Variants in SESTD1 observed in about 807,000 individuals in gnomAD.
SESTD1 encodes the protein SEC14 domain and spectrin repeat-containing protein 1.
Under a neutral mutation model 101.7 loss-of-function variants are expected in SESTD1, and 43 were observed. That is an observed-to-expected ratio of 0.42 (90% CI 0.33 to 0.55). The LOEUF is 0.55. Ranked by LOEUF, SESTD1 falls within the 20% of genes least tolerant of loss-of-function variation. SESTD1 has a pLI of 0.07. For missense variants in SESTD1, 647 were observed against 815.1 expected, an observed-to-expected ratio of 0.79 and a Z score of 2.51; for synonymous variants, 283 against 286.8, an observed-to-expected ratio of 0.99 and a Z score of 0.13.
At chr2:179,216,590 C>A (rs1295663374) in intron 1 of SESTD1, among the ~76,000 whole-genome samples, 2 of 135,326 alleles carry the variant, frequency 1.5e-5, no homozygotes, top group African/African-American at 2.9e-5. Context: ...CCATCCCCAT[C>A]AAGCTACCAA....
chr2:179,126,180 CTT>C (rs1376779869), intron 10 of SESTD1, among the ~76,000 whole-genome samples: 1 of 152,152 alleles, frequency 6.6e-6, no homozygotes, highest in East Asian at 1.9e-4. Context: ...TGTATTTACT[CTT>C]TTCTCATTTT....
At position 179,210,723 on chromosome 2, in the gene SESTD1, C is replaced by T. The variant is rs549288591; in HGVS notation, c.-25-18857G>A. ...CCTTCTATGATAAACCCACAGCCAA[C>T]ATTATACTGAACAGGGAAAACTTGA... is the stretch of plus-strand genomic sequence containing the variant. On this transcript the variant is annotated intron_variant, in intron 1 of 17. Coordinates refer to ENST00000428443, the MANE Select transcript of SESTD1 (RefSeq NM_178123.5). Among the ~76,000 whole-genome samples, 373 of 134,746 alleles carry T rather than the reference C, an allele frequency of 2.8e-3. 64 individuals carry two copies. Among genetic ancestry groups the T allele is most frequent in the Admixed American group, 4.8e-3 (67 of 13,866 alleles). 88.4% of individuals were successfully genotyped at this position (134,746 alleles called of 152,430 possible).
At chr2:179,210,460 G>C (rs1251195276) in intron 1 of SESTD1, among the ~76,000 whole-genome samples, 1 of 134,608 alleles carries the variant, frequency 7.4e-6, no homozygotes, top group African/African-American at 2.9e-5. Flanking sequence ...GAACCCAATA[G>C]CATATCAAAA....
At chr2:179,116,618 A>T in intron 15 of SESTD1, 50 bp downstream of exon 15, 1 of 1,613,550 alleles carries the variant, frequency 6.2e-7, no homozygotes, top group Non-Finnish European at 8.5e-7. Context: ...TCATGCAGAA[A>T]GCTATTCAAA....
intron 5 of SESTD1, among the ~76,000 whole-genome samples, chr2:179,168,009 T>C (rs2045866037): frequency 6.6e-6 from 1 of 152,182 alleles, no homozygotes; most frequent in Non-Finnish European, 1.5e-5. Context: ...GGTGATCCAC[T>C]GCCTTGGCCT....
At chr2:179,138,346 A>G (rs1221297501) in intron 9 of SESTD1, among the ~76,000 whole-genome samples, 1 of 152,088 alleles carries the variant, frequency 6.6e-6, no homozygotes, top group Non-Finnish European at 1.5e-5. Context: ...CCTGTCACCC[A>G]TGTTTTTGGT....
At chr2:179,165,206 C>A (rs770583136) in intron 5 of SESTD1, among the ~76,000 whole-genome samples, 9 of 152,112 alleles carry the variant, frequency 5.9e-5, no homozygotes, top group Non-Finnish European at 1.0e-4. Flanking sequence ...GAGAAAATAT[C>A]CTAGCTGAAT....
At chr2:179,120,681 G>C (rs762087103) in intron 13 of SESTD1, among the ~76,000 whole-genome samples, 1 of 151,926 alleles carries the variant, frequency 6.6e-6, no homozygotes, top group African/African-American at 2.4e-5. Context: ...TATTACGTTG[G>C]TAATGCTGGT....
chr2:179,241,006 T>C (rs140866082), intron 1 of SESTD1, among the ~76,000 whole-genome samples: 1 of 151,826 alleles, frequency 6.6e-6, no homozygotes, highest in African/African-American at 2.4e-5. Flanking sequence ...AAACAGACAA[T>C]CTTGGCAAAC....
intron 13 of SESTD1, among the ~76,000 whole-genome samples, chr2:179,121,061 AG>A (rs1231258750): frequency 6.6e-6 from 1 of 152,210 alleles, no homozygotes; most frequent in Non-Finnish European, 1.5e-5. Flanking sequence ...ACAGAATAAA[AG>A]TAAGTTTGCA....
intron 1 of SESTD1, among the ~76,000 whole-genome samples, chr2:179,201,939 A>AATAATG (rs1553525557): frequency 1.6e-5 from 2 of 127,474 alleles, no homozygotes; most frequent in African/African-American, 6.2e-5. Flanking sequence ...TAATAATAAT[A>AATAATG]ATAATAATAA....
At chr2:179,152,901 A>G (rs2045557661) in intron 5 of SESTD1, among the ~76,000 whole-genome samples, 1 of 152,204 alleles carries the variant, frequency 6.6e-6, no homozygotes, top group Admixed American at 6.5e-5. Context: ...AGAAAATAGA[A>G]GAAAGGAGGT....
intron 10 of SESTD1, among the ~76,000 whole-genome samples, chr2:179,126,090 T>G (rs944189371): frequency 1.3e-5 from 2 of 152,244 alleles, no homozygotes; most frequent in African/African-American, 4.8e-5. Flanking sequence ...AACAATAAAA[T>G]ACACATTTAA....
At chr2:179,171,974 C>A in intron 5 of SESTD1, 146 bp downstream of exon 5, 1 of 451,618 alleles carries the variant, frequency 2.2e-6, no homozygotes, top group Non-Finnish European at 4.0e-6. Flanking sequence ...TATCCAAATG[C>A]TGACCATATA....
chr2:179,213,533 T>C (rs1444874042), intron 1 of SESTD1, among the ~76,000 whole-genome samples: 1 of 135,290 alleles, frequency 7.4e-6, no homozygotes, highest in Non-Finnish European at 1.6e-5. Flanking sequence ...TTGGTGTACC[T>C]GAAAGTGAGA....
At chr2:179,238,331 T>C (rs1457504026) in intron 1 of SESTD1, among the ~76,000 whole-genome samples, 2 of 152,138 alleles carry the variant, frequency 1.3e-5, no homozygotes, top group Non-Finnish European at 2.9e-5. Flanking sequence ...ACAATCATAC[T>C]AGTAAGTCCA....
intron 1 of SESTD1, among the ~76,000 whole-genome samples, chr2:179,233,434 T>C (rs1006474656): frequency 1.3e-5 from 2 of 151,966 alleles, no homozygotes; most frequent in African/African-American, 2.4e-5. Flanking sequence ...CAGGAATATG[T>C]CTTCATAGTT....
At chr2:179,113,862 T>C (rs1431739178) in intron 16 of SESTD1, among the ~76,000 whole-genome samples, 1 of 137,874 alleles carries the variant, frequency 7.3e-6, no homozygotes, top group Non-Finnish European at 1.5e-5. Flanking sequence ...TGAGACTCTG[T>C]CTCAAAAAAA....
chr2:179,251,593 A>G lies in SESTD1; in HGVS notation c.-26+12906T>C, dbSNP rs1325466644. ...AGTGTCCAGCATGATCCTGCACAAGAGATGCACTATAGACTGAATGTTTGT... is the reference window on the plus strand; with the variant it reads ...AGTGTCCAGCATGATCCTGCACAAGGGATGCACTATAGACTGAATGTTTGT... On this transcript the variant is annotated intron_variant, in intron 1 of 17. Transcript: ENST00000428443. Among the ~76,000 whole-genome samples the G allele has an allele frequency of 2.6e-5, 4 of 152,170 alleles. No individual in the cohort carries two copies. The East Asian group carries it at 7.7e-4, about 29-fold the overall frequency.
Sources: allele counts gnomAD v4.1 joint callset (sites outside exome capture counted in the v4.1 genomes callset), GRCh38; gene constraint gnomAD v4.1.1; transcripts MANE v1.5; gene names NCBI Gene and HGNC (gene_info 2026-07-23, HGNC 2026-07-21).